Variants in FBXO7 observed in about 807,000 individuals in gnomAD.
The protein encoded by FBXO7 is F-box protein 7, also known as F-box only protein 7.
A neutral mutation model predicts 50.2 loss-of-function variants in FBXO7; 31 were observed. The ratio of observed to expected loss-of-function variants is 0.62; its 90% confidence interval spans 0.46 to 0.83. The LOEUF (loss-of-function observed/expected upper bound fraction) is 0.83. FBXO7 is among the 40% of genes least tolerant of loss of function. The pLI, the probability that FBXO7 is intolerant of heterozygous loss-of-function variation, is 0.00. For synonymous variants in FBXO7, 256 were observed against 253.1 expected (o/e 1.01, Z -0.11); for missense variants, 667 against 646.6 (o/e 1.03, Z -0.34).
At chr22:32,475,426 A>G in intron 1 of FBXO7, 1 of 1,609,926 alleles carries the variant, frequency 6.2e-7, no homozygotes, top group Non-Finnish European at 8.5e-7. Flanking sequence ...GTTTTGCAGT[A>G]AACGGAACCA....
In FBXO7 at chr22:32,482,645, TA is replaced by T. The variant is rs541198370; in HGVS notation, c.418-1247del. Reference sequence around the variant, plus strand: ...TTCTGATTTATAATTATAGGATCTATAAAAAGGCGATACCTGCCATGCCTAT... The same window carrying T: ...TTCTGATTTATAATTATAGGATCTATAAAAGGCGATACCTGCCATGCCTAT... On this transcript the variant is annotated intron_variant, in intron 2 of 8. Coordinates refer to ENST00000266087, the MANE Select transcript of FBXO7 (RefSeq NM_012179.4). 1.9e-3 allele frequency among the ~76,000 whole-genome samples: 296 copies of T among 152,346 alleles called. 1 individual carries two copies. Among genetic ancestry groups the T allele is most frequent in the African/African-American group, 6.9e-3 (288 of 41,574 alleles).
chr22:32,491,418 A>G (rs2057534538), intron 6 of FBXO7: 2 of 449,074 alleles, frequency 4.5e-6, no homozygotes, highest in African/African-American at 4.0e-5. Flanking sequence ...TGTTGATATG[A>G]TTTCTTTCCA....
intron 2 of FBXO7, among the ~76,000 whole-genome samples, chr22:32,483,231 T>G (rs1168114300): frequency 6.6e-6 from 1 of 152,240 alleles, no homozygotes; most frequent in Non-Finnish European, 1.5e-5. Flanking sequence ...TCCTCAGTGC[T>G]TATATAATGC....
Position 32,479,093 on chromosome 22 carries a change from C to G in FBXO7, c.235C>G (p.Gln79Glu). Residue 79 changes from glutamine to glutamate, a missense_variant, in exon 2 of 9, where the codon CAA becomes GAA. Transcript: ENST00000266087. ...VSGDLICLILQDDIPAPNIPS... is the reference protein window; with the variant it reads ...VSGDLICLILEDDIPAPNIPS... ...TGGGGACTTGATATGTTTGATTCTT[C>G]AAGATGACATTCCAGCGCCTAATAT... is the stretch of plus-strand genomic sequence containing the variant. 6.2e-7 allele frequency: 1 copy of G among 1,614,172 alleles called. No homozygotes were observed. Among genetic ancestry groups the G allele is most frequent in the Non-Finnish European group, 8.5e-7 (1 of 1,180,026 alleles).
chr22:32,487,953 T>C, intron 5 of FBXO7, 125 bp downstream of exon 5: 1 of 686,482 alleles, frequency 1.5e-6, no homozygotes, highest in East Asian at 2.8e-5. Flanking sequence ...TTGAAGACAA[T>C]GTGGTTTGTT....
At chr22:32,485,035 C>A (rs755983929) in intron 3 of FBXO7, 33 bp from the exon 4 acceptor site, 1 of 1,613,870 alleles carries the variant, frequency 6.2e-7, no homozygotes, top group East Asian at 2.2e-5. Context: ...CACCTTTCTT[C>A]ATTATTTGTT....
intron 7 of FBXO7, among the ~76,000 whole-genome samples, chr22:32,493,511 A>T (rs2057552405): frequency 6.6e-6 from 1 of 152,222 alleles, no homozygotes; most frequent in Admixed American, 6.5e-5. Flanking sequence ...TTATTTCAGG[A>T]TAGAGAAATG....
In FBXO7 at chr22:32,475,304, G is replaced by A. The variant is rs899693982; in HGVS notation, c.122+180G>A. On this transcript the variant is annotated intron_variant, in intron 1 of 8. Transcript: ENST00000266087. ...GGGCTCTTCCGGGCGTCGCGGAGCC[G>A]GAGGGTGCAGGCGACGGGAAGCGCG... 3.9e-5 allele frequency: 63 copies of A among 1,603,502 alleles called. No individual in the cohort carries two copies. In the African/African-American group the frequency reaches 7.3e-4, roughly 19 times the overall value.
At chr22:32,488,024 T>G (rs890722501) in intron 5 of FBXO7, 196 bp downstream of exon 5, 31 of 537,636 alleles carry the variant, frequency 5.8e-5, no homozygotes, top group Non-Finnish European at 9.0e-5. Flanking sequence ...AGTTTGTTTC[T>G]TTCCTGTTTT....
chr22:32,477,664 A>G (rs775168561), intron 1 of FBXO7, among the ~76,000 whole-genome samples: 1 of 152,024 alleles, frequency 6.6e-6, no homozygotes, highest in Non-Finnish European at 1.5e-5. Context: ...TATACATAAT[A>G]CTCCTCTAAC....
intron 4 of FBXO7, chr22:32,487,257 G>A (rs905644713): frequency 4.3e-5 from 7 of 161,334 alleles, no homozygotes; most frequent in Admixed American, 3.6e-4. Flanking sequence ...TTGTATACAT[G>A]ATTAAAATTG....
Position 32,493,249 on chromosome 22 carries a change from T to C in FBXO7, c.1112T>C (p.Leu371Pro). 6.2e-7 allele frequency: 1 copy of C among 1,614,138 alleles called. No individual in the cohort carries two copies. The highest frequency in any genetic ancestry group is 1.7e-5 in the Admixed American group (1 of 60,022). Reference sequence around the variant, plus strand: ...TTTACTGCTTCAAATGACCCACTCCTGTGGAGGTTTTTATATCTGCGTGAT... The same window carrying C: ...TTTACTGCTTCAAATGACCCACTCCCGTGGAGGTTTTTATATCTGCGTGAT... ...DLFTASNDPL[L>P]WRFLYLRDFR... Residue 371 changes from leucine (L) to proline (P), a missense_variant, in exon 7 of 9, where the codon CTG (leucine) becomes CCG (proline). By Grantham distance (98) the Leu-to-Pro change is moderately conservative. Transcript: ENST00000266087.
At chr22:32,494,107 T>TA (rs130725) in intron 7 of FBXO7, among the ~76,000 whole-genome samples, 4,916 of 120,778 alleles carry the variant, frequency 0.041, 263 homozygotes, top group African/African-American at 0.12. Context: ...ATAGCTCCCT[T>TA]AAAAAAAAAA....
At chr22:32,492,811 C>T in intron 6 of FBXO7, 1 of 410,772 alleles carries the variant, frequency 2.4e-6, no homozygotes, top group Non-Finnish European at 4.4e-6. Context: ...CAGAAGAGAC[C>T]ATTGGCTAGT....
At chr22:32,492,332 A>G (rs908834837) in intron 6 of FBXO7, 15 of 152,372 alleles carry the variant, frequency 9.8e-5, no homozygotes, top group African/African-American at 2.6e-4. Flanking sequence ...AGTAATGCCA[A>G]TTGAAAAACA....
chr22:32,495,804 A>G (rs946716497), intron 8 of FBXO7, among the ~76,000 whole-genome samples: 3 of 152,196 alleles, frequency 2.0e-5, no homozygotes, highest in Non-Finnish European at 4.4e-5. Flanking sequence ...TCTGTGCTGG[A>G]GTAGTCATCA....
At chr22:32,475,151 C>T in intron 1 of FBXO7, 27 bp downstream of exon 1, 3 of 1,534,958 alleles carry the variant, frequency 2.0e-6, no homozygotes, top group Middle Eastern at 2.2e-4. Flanking sequence ...GCTGGGCGGC[C>T]CGCGGGGAGT....
At chr22:32,495,278 G>C (rs915653284) in intron 7 of FBXO7, among the ~76,000 whole-genome samples, 1 of 152,136 alleles carries the variant, frequency 6.6e-6, no homozygotes, top group African/African-American at 2.4e-5. Context: ...ATGTAGCACA[G>C]AGCAGCAATG....
rs117219725 is a variant in FBXO7 at position 32,495,173 on chromosome 22, G to A, written c.1145-320G>A. 1.4e-3 allele frequency among the ~76,000 whole-genome samples: 210 copies of A among 152,272 alleles called. 2 individuals are homozygous for A. The East Asian group carries it at 0.028, about 20-fold the overall frequency. On this transcript the variant is annotated intron_variant, in intron 7 of 8. Transcript: ENST00000266087. Reference sequence around the variant, plus strand: ...AGGTGACACACCTAAATGAGATTAGGGGGAGAAGAGGTAGTGTAGGACCAG... The same window carrying A: ...AGGTGACACACCTAAATGAGATTAGAGGGAGAAGAGGTAGTGTAGGACCAG...
Sources: allele counts gnomAD v4.1 joint callset (sites outside exome capture counted in the v4.1 genomes callset), GRCh38; gene constraint gnomAD v4.1.1; transcripts MANE v1.5; gene names NCBI Gene and HGNC (gene_info 2026-07-23, HGNC 2026-07-21).